The following MSRB2 variants were observed in gnomAD, a reference collection of about 807,000 sequenced individuals.
MSRB2 encodes methionine sulfoxide reductase B2.
A neutral mutation model predicts 19.0 loss-of-function variants in MSRB2; 17 were observed. The observed-to-expected ratio is 0.89, with a 90% CI of 0.61 to 1.34. The LOEUF (loss-of-function observed/expected upper bound fraction) is 1.34. Ranked by LOEUF, MSRB2 falls within the 40% of genes most tolerant of loss-of-function variation. The pLI is 0.00. For synonymous variants in MSRB2, 107 were observed against 99.7 expected, an observed-to-expected ratio of 1.07 and a Z score of -0.44; for missense variants, 208 against 237.6, an observed-to-expected ratio of 0.88 and a Z score of 0.82.
In MSRB2 at chr10:23,120,906, C is replaced by A. The variant is rs1181585554; in HGVS notation, c.*44C>A. On this transcript the variant is annotated 3_prime_UTR_variant, in exon 5 of 5. Coordinates refer to ENST00000376510, the MANE Select transcript of MSRB2 (RefSeq NM_012228.4). ...TTCCCTTGCCACCCCTTCACGTGCA[C>A]CCTCAATTTCCACAATTCACTTGAA... 2 of 1,409,158 alleles carry A rather than the reference C, an allele frequency of 1.4e-6. No homozygotes were observed. The highest frequency in any genetic ancestry group is 1.8e-5 in the Admixed American group (1 of 55,284). The allele number at this position is 1,409,158 out of a possible 1,614,324, so 87.3% of individuals were successfully genotyped here.
rs1224930268 is a variant in MSRB2 at position 23,120,887 on chromosome 10, T to G, written c.*25T>G. ...ACCATCTTCAAGAGTCCCGTTCCCT[T>G]GCCACCCCTTCACGTGCACCCTCAA... On this transcript the variant is annotated 3_prime_UTR_variant, in exon 5 of 5. Transcript: ENST00000376510. 1 of 1,565,694 alleles carries G rather than the reference T, an allele frequency of 6.4e-7. No homozygotes were observed. Among genetic ancestry groups the G allele is most frequent in the South Asian group, 1.1e-5 (1 of 89,014 alleles).
intron 4 of MSRB2, 138 bp downstream of exon 4, chr10:23,119,589 GT>G (rs1412788342): frequency 3.8e-6 from 4 of 1,061,312 alleles, no homozygotes; most frequent in African/African-American, 1.6e-5. Context: ...TTTCTTTTTT[GT>G]TTTGCTTTGT....
intron 1 of MSRB2, among the ~76,000 whole-genome samples, chr10:23,098,458 TA>T (rs1839891065): frequency 6.6e-6 from 1 of 152,220 alleles, no homozygotes; most frequent in Non-Finnish European, 1.5e-5. Context: ...TTGAGTTTAT[TA>T]AGGCATAATT....
intron 1 of MSRB2, among the ~76,000 whole-genome samples, chr10:23,100,567 G>A (rs574875893): frequency 3.3e-5 from 5 of 152,320 alleles, no homozygotes; most frequent in Admixed American, 2.0e-4. Flanking sequence ...CATGATGTAA[G>A]GTGAAGAGGA....
chr10:23,102,230 A>G (rs1252731219), intron 1 of MSRB2, among the ~76,000 whole-genome samples: 1 of 152,192 alleles, frequency 6.6e-6, no homozygotes, highest in Admixed American at 6.5e-5. Context: ...AGTTGCAGAC[A>G]TCATGACACT....
rs1330211392 is a variant in MSRB2 at position 23,121,371 on chromosome 10, AACTC to A, written c.*517_*520del. ...CTTTTAAACAGCCAGATCTCTCAAG[AACTC>A]ACTCACTGTCACCAGGACAGCACCA... On this transcript the variant is annotated 3_prime_UTR_variant, in exon 5 of 5. Transcript: ENST00000376510. 6.5e-6 allele frequency: 1 copy of A among 154,156 alleles called. No homozygotes were observed. The highest frequency in any genetic ancestry group is 2.4e-5 in the African/African-American group (1 of 41,396). The allele number at this position is 154,156 out of a possible 1,614,324, so 9.5% of individuals were successfully genotyped here. A position where few individuals can be genotyped will look rare whatever the true frequency, so the allele number is the denominator to read the frequency against.
chr10:23,104,150 T>C lies in MSRB2; in HGVS notation c.125T>C (p.Leu42Pro), dbSNP rs770449041. Residue 42 changes from leucine to proline, a missense_variant, in exon 2 of 5, where the codon CTT (leucine) becomes CCT (proline). By Grantham distance (98) the Leu-to-Pro change is moderately conservative (BLOSUM62 -3). Coordinates refer to ENST00000376510, the MANE Select transcript of MSRB2 (RefSeq NM_012228.4). ...TTCCTGTTTAACAATACAGGGTCTCTTGCAACGTGTGAGCTGCCTCTTGCC... is the reference window on the plus strand; with the variant it reads ...TTCCTGTTTAACAATACAGGGTCTCCTGCAACGTGTGAGCTGCCTCTTGCC... ...TGPGLGEAGS[L>P]ATCELPLAKS... 8 of 1,612,668 alleles carry C rather than the reference T, an allele frequency of 5.0e-6. No homozygotes were observed. In the East Asian group the frequency reaches 1.8e-4, roughly 36 times the overall value.
At chr10:23,096,100 C>T (rs1351294998) in intron 1 of MSRB2, among the ~76,000 whole-genome samples, 1 of 152,130 alleles carries the variant, frequency 6.6e-6, no homozygotes, top group Non-Finnish European at 1.5e-5. Context: ...CCGCGCGCCC[C>T]TGCGAAGGCC....
chr10:23,099,188 A>G (rs1203417853), intron 1 of MSRB2, among the ~76,000 whole-genome samples: 2 of 152,204 alleles, frequency 1.3e-5, no homozygotes, highest in South Asian at 2.1e-4. Context: ...GAGTGTCACA[A>G]TTCAGCTCAT....
In MSRB2 at chr10:23,095,603, G is replaced by C; in HGVS notation, c.-6G>C. ...CAGAGGGCGGAGCGGCGCCGGAGCG[G>C]GCGTCATGGCGCGGCTCCTCTGGTT... On this transcript the variant is annotated 5_prime_UTR_variant, in exon 1 of 5. Transcript: ENST00000376510. The C allele has an allele frequency of 6.8e-7, 1 of 1,479,662 alleles. No homozygotes were observed. Among genetic ancestry groups the C allele is most frequent in the African/African-American group, 1.5e-5 (1 of 68,444 alleles). The allele number at this position is 1,479,662 out of a possible 1,614,324, so 91.7% of individuals were successfully genotyped here.
intron 1 of MSRB2, among the ~76,000 whole-genome samples, chr10:23,101,826 C>CT (rs1279618166): frequency 3.9e-5 from 6 of 152,116 alleles, no homozygotes; most frequent in Admixed American, 1.3e-4. Context: ...TTTAAATAAG[C>CT]TTTTTTATTT....
intron 2 of MSRB2, among the ~76,000 whole-genome samples, chr10:23,107,679 C>G (rs1408876610): frequency 6.6e-6 from 1 of 152,170 alleles, no homozygotes; most frequent in Non-Finnish European, 1.5e-5. Context: ...TATAAATTGT[C>G]AGCTCACGTG....
At chr10:23,097,321 T>G (rs533730816) in intron 1 of MSRB2, among the ~76,000 whole-genome samples, 1 of 152,354 alleles carries the variant, frequency 6.6e-6, no homozygotes, top group African/African-American at 2.4e-5. Flanking sequence ...AGGCTGCTAT[T>G]GCAAAACACC....
intron 2 of MSRB2, among the ~76,000 whole-genome samples, chr10:23,108,589 C>T (rs1471682880): frequency 6.6e-6 from 1 of 151,642 alleles, no homozygotes; most frequent in Non-Finnish European, 1.5e-5. Flanking sequence ...AATTCTTCTG[C>T]CTCAGCCTCC....
intron 1 of MSRB2, among the ~76,000 whole-genome samples, chr10:23,095,947 A>G (rs1478059732): frequency 2.2e-4 from 34 of 151,850 alleles, no homozygotes; most frequent in Non-Finnish European, 1.9e-4. Flanking sequence ...ATCCGAGGAA[A>G]TGAACAAATG....
chr10:23,096,814 C>A (rs1029350083), intron 1 of MSRB2, among the ~76,000 whole-genome samples: 1 of 152,200 alleles, frequency 6.6e-6, no homozygotes, highest in Non-Finnish European at 1.5e-5. Flanking sequence ...CATTGTATTG[C>A]TGAGAACCAC....
chr10:23,116,539 A>G (rs543489518), intron 3 of MSRB2, among the ~76,000 whole-genome samples: 19 of 152,362 alleles, frequency 1.2e-4, no homozygotes, highest in African/African-American at 3.4e-4. Context: ...ATTAGATCCT[A>G]TACATCAAAA....
At chr10:23,118,161 C>T (rs1840133684) in intron 3 of MSRB2, among the ~76,000 whole-genome samples, 1 of 152,042 alleles carries the variant, frequency 6.6e-6, no homozygotes, top group African/African-American at 2.4e-5. Flanking sequence ...TCAGCAATCC[C>T]TATTAATTTT....
At chr10:23,118,795 G>A (rs868256917) in intron 3 of MSRB2, among the ~76,000 whole-genome samples, 7 of 152,202 alleles carry the variant, frequency 4.6e-5, no homozygotes, top group African/African-American at 1.4e-4. Context: ...GTTTCACACA[G>A]CTAAGAAGTG....
Sources: gnomAD v4.1 joint callset for allele counts (sites outside exome capture counted in the v4.1 genomes callset) on GRCh38, gnomAD v4.1.1 for gene constraint, MANE v1.5 for transcripts, NCBI Gene and HGNC (gene_info 2026-07-23, HGNC 2026-07-21) for gene names.